Variants in DLGAP2 observed in about 807,000 individuals in gnomAD.
DLGAP2 encodes the protein DLG associated protein 2.
A neutral mutation model predicts 100.3 loss-of-function variants in DLGAP2; 26 were observed. The ratio of observed to expected loss-of-function variants is 0.26; its 90% CI spans 0.19 to 0.36. The LOEUF (loss-of-function observed/expected upper bound fraction) is 0.36, where lower values mean the gene tolerates loss of function less well. Ranked by LOEUF, DLGAP2 falls within the 10% of genes least tolerant of loss-of-function variation. The probability of loss-of-function intolerance (pLI) is 1.00; values close to 1 mark genes in which losing one functional copy is unlikely to be tolerated. For missense variants in DLGAP2, 1,858 were observed against 1,453.2 expected, an observed-to-expected ratio of 1.28 and a Z score of -4.53; for synonymous variants, 886 against 630.1, an observed-to-expected ratio of 1.41 and a Z score of -6.08.
chr8:838,664 T>C (rs1431880878), intron 1 of DLGAP2, among the ~76,000 whole-genome samples: 1 of 152,194 alleles, frequency 6.6e-6, no homozygotes, highest in African/African-American at 2.4e-5. Flanking sequence ...TACTCCTGAC[T>C]ATATTGTCAT....
At chr8:1,499,210 G>C (rs1159723062) in intron 3 of DLGAP2, among the ~76,000 whole-genome samples, 3 of 152,230 alleles carry the variant, frequency 2.0e-5, no homozygotes, top group Non-Finnish European at 4.4e-5. Context: ...GAAGCACGTG[G>C]CTTTGCTAAA....
rs569082128 is a variant in DLGAP2, at chr8:1,337,794, A to T, written c.106+78911A>T. Among the ~76,000 whole-genome samples the T allele has an allele frequency of 2.0e-5, 3 of 152,376 alleles. No individual in the cohort carries two copies. The South Asian group carries it at 6.2e-4, about 32-fold the overall frequency. On this transcript the variant is annotated intron_variant, in intron 3 of 14. Transcript: ENST00000637795. ...GGTAGAAAATATCTGCAAATCAGTT[A>T]TCTGAGAAGACTCTAGTGTCTGGGT... is the stretch of plus-strand genomic sequence containing the variant.
chr8:762,181 CCAATTA>C (rs1309032147), intron 1 of DLGAP2, among the ~76,000 whole-genome samples: 1 of 152,124 alleles, frequency 6.6e-6, no homozygotes, highest in African/African-American at 2.4e-5. Flanking sequence ...AATGCTTGGC[CCAATTA>C]GTCCAACAGA....
chr8:1,499,122 G>C (rs1310841297), intron 3 of DLGAP2, among the ~76,000 whole-genome samples: 1 of 152,218 alleles, frequency 6.6e-6, no homozygotes, highest in Non-Finnish European at 1.5e-5. Context: ...CCTCATTCTT[G>C]GAGTGCTGTT....
chr8:1,601,399 CT>C (rs1796619445), intron 6 of DLGAP2, among the ~76,000 whole-genome samples: 3 of 152,238 alleles, frequency 2.0e-5, no homozygotes, highest in Non-Finnish European at 2.9e-5. Context: ...AGCTCGAGCG[CT>C]GTGCTGGGAG....
chr8:1,506,498 G>A (rs1265761360), intron 4 of DLGAP2, among the ~76,000 whole-genome samples: 2 of 152,186 alleles, frequency 1.3e-5, no homozygotes, highest in Non-Finnish European at 2.9e-5. Context: ...TCTTCGCGGT[G>A]AGTGTTGCAG....
intron 2 of DLGAP2, among the ~76,000 whole-genome samples, chr8:1,160,859 G>A (rs1796875873): frequency 6.6e-6 from 1 of 152,166 alleles, no homozygotes; most frequent in Non-Finnish European, 1.5e-5. Flanking sequence ...GACTGTTTTT[G>A]TTGTTTAAAT....
intron 1 of DLGAP2, among the ~76,000 whole-genome samples, chr8:750,337 A>G (rs1382135638): frequency 6.6e-6 from 1 of 152,234 alleles, no homozygotes; most frequent in Non-Finnish European, 1.5e-5. Context: ...AAAAGTAACA[A>G]AAGAAACCAA....
At chr8:1,323,443 C>T (rs868012137) in intron 3 of DLGAP2, among the ~76,000 whole-genome samples, 1 of 152,208 alleles carries the variant, frequency 6.6e-6, no homozygotes, top group African/African-American at 2.4e-5. Flanking sequence ...AGTAAGTTTA[C>T]GTGACAACCA....
At chr8:1,629,211 A>G (rs1797584733) in intron 7 of DLGAP2, among the ~76,000 whole-genome samples, 1 of 152,212 alleles carries the variant, frequency 6.6e-6, no homozygotes, top group Non-Finnish European at 1.5e-5. Flanking sequence ...TTTCCACTGA[A>G]CTATTGAGGC....
Position 797,992 on chromosome 8 carries a change from C to T in DLGAP2, c.18+60167C>T, listed in dbSNP as rs369760016. Among the ~76,000 whole-genome samples, 185 of 152,248 alleles carry T rather than the reference C, an allele frequency of 1.2e-3. 2 individuals are homozygous for T. Among genetic ancestry groups the T allele is most frequent in the Admixed American group, 4.7e-3 (72 of 15,286 alleles). ...GTCTCGAACTCCTGATGTCGTGATACGCCCACCTCGGCCTCCCAAAGTGCT... is the reference window on the plus strand; with the variant it reads ...GTCTCGAACTCCTGATGTCGTGATATGCCCACCTCGGCCTCCCAAAGTGCT... On this transcript the variant is annotated intron_variant, in intron 1 of 14. Transcript: ENST00000637795.
At chr8:739,295 C>G (rs1214139233) in intron 1 of DLGAP2, 2 of 152,384 alleles carry the variant, frequency 1.3e-5, no homozygotes, top group African/African-American at 4.8e-5. Context: ...GACAGAGACC[C>G]GGTCCCAGAG....
At chr8:1,255,117 G>A (rs1274682641) in intron 2 of DLGAP2, among the ~76,000 whole-genome samples, 1 of 141,588 alleles carries the variant, frequency 7.1e-6, no homozygotes, top group Non-Finnish European at 1.5e-5. Flanking sequence ...CTGTGTGTGT[G>A]TCCTCTCCTG....
At chr8:1,336,610 A>G in intron 3 of DLGAP2, among the ~76,000 whole-genome samples, 1 of 152,218 alleles carries the variant, frequency 6.6e-6, no homozygotes, top group East Asian at 1.9e-4. Context: ...CCTGGACACC[A>G]GCAGCCTCTG....
chr8:954,621 A>T (rs1012704486), intron 2 of DLGAP2, among the ~76,000 whole-genome samples: 1 of 152,250 alleles, frequency 6.6e-6, no homozygotes, highest in African/African-American at 2.4e-5. Context: ...ACAGGGAGAC[A>T]TATAATAGGA....
rs373393970 is a variant in DLGAP2 at position 1,472,260 on chromosome 8, C to T, written c.107-29106C>T. 2.0e-3 allele frequency among the ~76,000 whole-genome samples: 302 copies of T among 152,244 alleles called. 2 individuals carry two copies. Among genetic ancestry groups the T allele is most frequent in the Non-Finnish European group, 3.6e-3 (246 of 68,006 alleles). ...AGGGGGGTTGAGCCATGCGGTAGAG[C>T]GGCTGTGCACCAGATGCAGGGCCGG... On this transcript the variant is annotated intron_variant, in intron 3 of 14. Coordinates refer to ENST00000637795, the MANE Select transcript of DLGAP2 (RefSeq NM_001346810.2).
At chr8:805,113 C>G (rs368585032) in intron 1 of DLGAP2, among the ~76,000 whole-genome samples, 46 of 152,258 alleles carry the variant, frequency 3.0e-4, no homozygotes, top group African/African-American at 1.1e-3. Context: ...CTGACTGATT[C>G]GTAATGGGAA....
chr8:1,080,725 T>C (rs1803779457), intron 2 of DLGAP2, among the ~76,000 whole-genome samples: 1 of 152,200 alleles, frequency 6.6e-6, no homozygotes, highest in Non-Finnish European at 1.5e-5. Context: ...ATCTGGATCC[T>C]AGTGGCTGTC....
At position 1,080,349 on chromosome 8, in the gene DLGAP2, C is replaced by T. The variant is rs527280478; in HGVS notation, c.73+172383C>T. 5.3e-5 allele frequency among the ~76,000 whole-genome samples: 8 copies of T among 152,352 alleles called. No homozygotes were observed. In the South Asian group the frequency reaches 1.2e-3, roughly 24 times the overall value. On this transcript the variant is annotated intron_variant, in intron 2 of 14. Coordinates refer to ENST00000637795, the MANE Select transcript of DLGAP2 (RefSeq NM_001346810.2). ...TTTCCTCAAGTGCCTTGTTAATGCT[C>T]CTGCAGCTGCCGTCTCTTTAGTGCC...
Sources: gnomAD v4.1 joint callset for allele counts (sites outside exome capture counted in the v4.1 genomes callset) on GRCh38, gnomAD v4.1.1 for gene constraint, MANE v1.5 for transcripts, NCBI Gene and HGNC (gene_info 2026-07-23, HGNC 2026-07-21) for gene names.